Variants in ATP8B4 observed in about 807,000 individuals in gnomAD.
ATP8B4 encodes ATPase phospholipid transporting 8B4 (putative).
ATP8B4 carries 133 observed loss-of-function variants against 145.6 expected under a neutral mutation model. The observed-to-expected ratio is 0.91, with a 90% confidence interval of 0.79 to 1.05. The LOEUF is 1.05. Ranked by LOEUF, ATP8B4 falls within the 50% of genes least tolerant of loss-of-function variation. ATP8B4 has a pLI of 0.00. For missense variants in ATP8B4, 1,458 were observed against 1,425.2 expected (o/e 1.02, Z -0.37); for synonymous variants, 507 against 492.9 (o/e 1.03, Z -0.38).
intron 24 of ATP8B4, among the ~76,000 whole-genome samples, chr15:49,878,721 T>C (rs2034898752): frequency 6.6e-6 from 1 of 152,142 alleles, no homozygotes; most frequent in Admixed American, 6.5e-5. Flanking sequence ...TCAAGCACAT[T>C]GATGCTGGGA....
Position 49,889,590 on chromosome 15 carries a change from G to A in ATP8B4, c.2697+7702C>T, listed in dbSNP as rs537840261. 2.0e-5 allele frequency among the ~76,000 whole-genome samples: 3 copies of A among 152,252 alleles called. No homozygotes were observed. In the South Asian group the frequency reaches 6.2e-4, roughly 32 times the overall value. ...GTGCCACCATCCCACAGGCAGTAAT[G>A]CTTCCACCCATTGGCCTTCTTGAAG... On this transcript the variant is annotated intron_variant, in intron 23 of 27. Transcript: ENST00000284509.
chr15:50,090,628 G>T (rs2055547764), intron 2 of ATP8B4, among the ~76,000 whole-genome samples: 1 of 152,168 alleles, frequency 6.6e-6, no homozygotes, highest in Non-Finnish European at 1.5e-5. Context: ...GAACTGTGAG[G>T]AATACATTTC....
intron 20 of ATP8B4, among the ~76,000 whole-genome samples, chr15:49,910,632 A>G (rs1181945609): frequency 6.6e-6 from 1 of 152,204 alleles, no homozygotes; most frequent in African/African-American, 2.4e-5. Flanking sequence ...AGGAGTCTCC[A>G]TCAGACTTAC....
chr15:50,110,144 C>T (rs2153670607), intron 1 of ATP8B4, among the ~76,000 whole-genome samples: 1 of 152,276 alleles, frequency 6.6e-6, no homozygotes, highest in African/African-American at 2.4e-5. Flanking sequence ...ATCACTATTG[C>T]ATGAAATAAA....
intron 16 of ATP8B4, among the ~76,000 whole-genome samples, chr15:49,930,250 A>G (rs4349086): frequency 0.23 from 35,019 of 151,938 alleles, 4,995 homozygotes; most frequent in Non-Finnish European, 0.31. Flanking sequence ...AGGGATGAAG[A>G]GGGAGGATGG....
At chr15:50,095,636 A>C (rs1201682846) in intron 2 of ATP8B4, among the ~76,000 whole-genome samples, 1 of 151,956 alleles carries the variant, frequency 6.6e-6, no homozygotes, top group Non-Finnish European at 1.5e-5. Context: ...ACAGTTGTAG[A>C]TGTGGCTACT....
intron 3 of ATP8B4, among the ~76,000 whole-genome samples, chr15:50,054,365 T>A (rs2052420483): frequency 6.6e-6 from 1 of 152,020 alleles, no homozygotes; most frequent in Admixed American, 6.5e-5. Context: ...GCCAAAAGAG[T>A]CACCATGGGT....
At chr15:50,007,013 G>T (rs1052088421) in intron 7 of ATP8B4, among the ~76,000 whole-genome samples, 1 of 151,860 alleles carries the variant, frequency 6.6e-6, no homozygotes, top group Non-Finnish European at 1.5e-5. Context: ...ATTTTTCCTG[G>T]TCCTTCCAAA....
chr15:49,919,698 T>A (rs972006150), intron 18 of ATP8B4, among the ~76,000 whole-genome samples: 1 of 152,104 alleles, frequency 6.6e-6, no homozygotes, highest in East Asian at 1.9e-4. Context: ...ATTACAGGTG[T>A]GAGCCACCGC....
Position 50,010,901 on chromosome 15 carries a change from AT to A in ATP8B4, c.378del (p.Lys126AsnfsTer3). 2 of 1,557,828 alleles carry A rather than the reference AT, an allele frequency of 1.3e-6. No homozygotes were observed. Among genetic ancestry groups the A allele is most frequent in the Non-Finnish European group, 8.7e-7 (1 of 1,154,776 alleles). ...ATGTCTCCCACTTTGACATTCATCC[AT>A]TTTTCATTCTGCAGTCTAAAAACAA... ...VLINSKLQNEKWMNVKVGDII... is the reference protein window; with the variant it reads ...VLINSKLQNEXWMNVKVGDII... On this transcript the variant is annotated frameshift_variant, in exon 7 of 28. Coordinates refer to ENST00000284509, the MANE Select transcript of ATP8B4 (RefSeq NM_024837.4). LOFTEE classifies it high-confidence loss of function.
chr15:50,096,284 T>G (rs73400879), intron 2 of ATP8B4, among the ~76,000 whole-genome samples: 3,888 of 151,758 alleles, frequency 0.026, 162 homozygotes, highest in African/African-American at 0.091. Flanking sequence ...CACAGAGAGG[T>G]GAGGGAAGGG....
intron 2 of ATP8B4, among the ~76,000 whole-genome samples, chr15:50,080,890 G>A (rs1044134988): frequency 6.6e-6 from 1 of 152,102 alleles, no homozygotes; most frequent in African/African-American, 2.4e-5. Context: ...GAGGCAGGCG[G>A]ATCATGATGT....
chr15:49,953,709 C>T (rs955784685), intron 14 of ATP8B4, among the ~76,000 whole-genome samples: 1 of 152,212 alleles, frequency 6.6e-6, no homozygotes, highest in African/African-American at 2.4e-5. Context: ...CAGCAGGCAG[C>T]AGCAGCCAGT....
intron 2 of ATP8B4, among the ~76,000 whole-genome samples, chr15:50,075,042 C>T (rs1323905339): frequency 6.6e-6 from 1 of 152,160 alleles, no homozygotes; most frequent in Non-Finnish European, 1.5e-5. Context: ...GACCCTCTCA[C>T]CATTAAATTC....
At chr15:50,113,578 C>G (rs978678989) in intron 1 of ATP8B4, among the ~76,000 whole-genome samples, 5 of 152,046 alleles carry the variant, frequency 3.3e-5, no homozygotes, top group African/African-American at 1.2e-4. Flanking sequence ...GTGGCTCACA[C>G]CTGTAATCCC....
chr15:49,864,157 C>G (rs1453899170), intron 26 of ATP8B4, among the ~76,000 whole-genome samples: 1 of 152,164 alleles, frequency 6.6e-6, no homozygotes, highest in Non-Finnish European at 1.5e-5. Context: ...AACGTATTAC[C>G]AGTACATATT....
At position 49,987,553 on chromosome 15, in the gene ATP8B4, GA is replaced by G; in HGVS notation, c.590-5del. ...GGCACCTCACAGACAACAATCCCTG[GA>G]AAATAAAAAAACAAAACAAACCTCT... On this transcript the variant is annotated splice_region_variant and splice_polypyrimidine_tract_variant and intron_variant, in intron 9 of 27. Transcript: ENST00000284509. 1 of 1,607,634 alleles carries G rather than the reference GA, an allele frequency of 6.2e-7. No individual in the cohort carries two copies. Among genetic ancestry groups the G allele is most frequent in the Non-Finnish European group, 8.5e-7 (1 of 1,177,736 alleles).
At chr15:50,139,888 T>A (rs1337708959) in intron 1 of ATP8B4, among the ~76,000 whole-genome samples, 1 of 152,190 alleles carries the variant, frequency 6.6e-6, no homozygotes, top group Non-Finnish European at 1.5e-5. Context: ...GATGGGCAGA[T>A]AGAAATTAAA....
chr15:49,892,695 G>A (rs762063603), intron 23 of ATP8B4, among the ~76,000 whole-genome samples: 2 of 152,160 alleles, frequency 1.3e-5, no homozygotes, highest in Non-Finnish European at 2.9e-5. Context: ...AAAAAGCAGC[G>A]TTCCATGCAA....
Sources: gnomAD v4.1 joint callset for allele counts (sites outside exome capture counted in the v4.1 genomes callset) on GRCh38, gnomAD v4.1.1 for gene constraint, MANE v1.5 for transcripts, NCBI Gene and HGNC (gene_info 2026-07-23, HGNC 2026-07-21) for gene names.